PHTF1: variants seen among roughly 807,000 people sequenced by gnomAD.
The protein encoded by PHTF1 is protein PHTF1.
PHTF1 carries 88 observed loss-of-function variants against 102.4 expected under a neutral mutation model. The ratio of observed to expected loss-of-function variants is 0.86; its 90% CI spans 0.72 to 1.03. PHTF1 has a LOEUF of 1.03. Among genes scored for constraint, PHTF1 ranks in the 50% least tolerant of loss-of-function variants. The pLI is 0.00. For missense variants in PHTF1, 814 were observed against 909.5 expected, an observed-to-expected ratio of 0.89 and a Z score of 1.35; for synonymous variants, 289 against 305.2, an observed-to-expected ratio of 0.95 and a Z score of 0.55.
intron 8 of PHTF1, 71 bp from the exon 9 acceptor site, chr1:113,712,184 C>CA (rs946177936): frequency 6.4e-4 from 779 of 1,226,660 alleles, no homozygotes; most frequent in East Asian, 1.3e-3. Flanking sequence ...TGTGTAAAAA[C>CA]AAAAAAAAAT....
intron 3 of PHTF1, among the ~76,000 whole-genome samples, chr1:113,755,533 G>A (rs1173039919): frequency 2.0e-5 from 3 of 152,086 alleles, no homozygotes; most frequent in Non-Finnish European, 2.9e-5. Flanking sequence ...ACATTAAGGC[G>A]TGGTTAGGTA....
chr1:113,711,914 C>T (rs764119953), intron 9 of PHTF1, 26 bp downstream of exon 9: 2 of 1,606,884 alleles, frequency 1.2e-6, no homozygotes, highest in East Asian at 4.5e-5. Context: ...CAGTCCTATA[C>T]TTTCATAAAC....
chr1:113,724,989 C>A, intron 6 of PHTF1, 96 bp from the exon 7 acceptor site: 1 of 815,174 alleles, frequency 1.2e-6, no homozygotes, highest in Non-Finnish European at 1.9e-6. Context: ...CAAATTACTA[C>A]CTTAAATCAA....
chr1:113,725,825 G>A (rs1397582126), intron 6 of PHTF1: 1 of 152,960 alleles, frequency 6.5e-6, no homozygotes, highest in Non-Finnish European at 1.5e-5. Flanking sequence ...AAAATTAGCT[G>A]GGTGTGGTGG....
chr1:113,724,856 C>T lies in PHTF1; in HGVS notation c.526G>A (p.Glu176Lys). Residue 176 changes from glutamate to lysine, a missense_variant, in exon 7 of 19, where the codon GAA (glutamate) becomes AAA (lysine). Physicochemically the swap from Glu to Lys is moderately conservative, Grantham distance 56. Coordinates refer to ENST00000369604, the MANE Select transcript of PHTF1 (RefSeq NM_001323043.2). ...RKTVNGDGSRENGNNSSDKVR... is the reference protein window; with the variant it reads ...RKTVNGDGSRKNGNNSSDKVR... ...TTATCAGAGGAGTTATTTCCATTTTCTCGGCTCCCATCACCATTTACAGTT... is the reference window on the plus strand; with the variant it reads ...TTATCAGAGGAGTTATTTCCATTTTTTCGGCTCCCATCACCATTTACAGTT... The T allele has an allele frequency of 6.2e-7, 1 of 1,608,902 alleles. No individual in the cohort carries two copies. The highest frequency in any genetic ancestry group is 8.5e-7 in the Non-Finnish European group (1 of 1,177,342).
At chr1:113,734,148 T>C (rs1391348881) in intron 5 of PHTF1, among the ~76,000 whole-genome samples, 1 of 152,110 alleles carries the variant, frequency 6.6e-6, no homozygotes, top group Non-Finnish European at 1.5e-5. Flanking sequence ...TAATCCCCGC[T>C]ACTCAGGAGG....
chr1:113,730,880 G>A (rs1443398354), intron 5 of PHTF1, among the ~76,000 whole-genome samples: 2 of 152,188 alleles, frequency 1.3e-5, no homozygotes, highest in African/African-American at 4.8e-5. Flanking sequence ...GGGTAACCTT[G>A]ACGATGTTAT....
At chr1:113,706,851 C>CTTTTTTTTTTTTTTTTTTTTTTTTTT (rs11363653) in intron 11 of PHTF1, 129 bp from the exon 12 acceptor site, 1 of 202,536 alleles carries the variant, frequency 4.9e-6, no homozygotes, top group Non-Finnish European at 8.5e-6. Flanking sequence ...TTCTTTCTTT[C>CTTTTTTTTTTTTTTTTTTTTTTTTTT]TTTTTTTTTT....
chr1:113,712,257 C>A (rs573840759), intron 8 of PHTF1, 144 bp from the exon 9 acceptor site: 23 of 613,092 alleles, frequency 3.8e-5, no homozygotes, highest in African/African-American at 1.5e-4. Context: ...CCATATATTA[C>A]TTAATCTCAA....
At chr1:113,719,239 G>A (rs973657643) in intron 7 of PHTF1, among the ~76,000 whole-genome samples, 3 of 152,072 alleles carry the variant, frequency 2.0e-5, no homozygotes, top group African/African-American at 4.8e-5. Context: ...CTGACCTCAG[G>A]TGATCCACCC....
intron 3 of PHTF1, among the ~76,000 whole-genome samples, chr1:113,753,482 G>A (rs1339761307): frequency 1.3e-5 from 2 of 151,548 alleles, no homozygotes; most frequent in Non-Finnish European, 2.9e-5. Context: ...AGGCTGGAGT[G>A]CAATGCATGA....
intron 3 of PHTF1, among the ~76,000 whole-genome samples, chr1:113,750,778 C>T (rs185688984): frequency 2.0e-5 from 3 of 151,754 alleles, no homozygotes; most frequent in African/African-American, 7.3e-5. Flanking sequence ...ATCACTTGAA[C>T]CTGGGAGGCG....
chr1:113,749,232 T>G (rs1054616796), intron 3 of PHTF1, among the ~76,000 whole-genome samples: 1 of 152,210 alleles, frequency 6.6e-6, no homozygotes, highest in Non-Finnish European at 1.5e-5. Context: ...TTTCTTCTTT[T>G]TCTTTAGGTC....
intron 5 of PHTF1, among the ~76,000 whole-genome samples, chr1:113,736,289 C>T (rs1431573378): frequency 6.6e-6 from 1 of 150,624 alleles, no homozygotes; most frequent in South Asian, 2.1e-4. Flanking sequence ...TTGCAGTGAG[C>T]CAAGATCGCG....
chr1:113,731,731 C>T (rs1322415859), intron 5 of PHTF1, among the ~76,000 whole-genome samples: 1 of 151,106 alleles, frequency 6.6e-6, no homozygotes, highest in Non-Finnish European at 1.5e-5. Flanking sequence ...CCCGTCTCTA[C>T]TAAAAATACA....
At chr1:113,741,352 CTT>C (rs1007852694) in intron 3 of PHTF1, among the ~76,000 whole-genome samples, 4 of 152,158 alleles carry the variant, frequency 2.6e-5, no homozygotes, top group East Asian at 3.9e-4. Context: ...GGAAAAAACT[CTT>C]TGAAGAAACA....
rs181817937 is a variant in PHTF1 at position 113,724,112 on chromosome 1, C to T, written c.623+647G>A. Reference sequence around the variant, plus strand: ...AAATGGCTTTTAGGCAAAAGACAGACGATAACAAATGCTGGAGAGGATATG... The same window carrying T: ...AAATGGCTTTTAGGCAAAAGACAGATGATAACAAATGCTGGAGAGGATATG... On this transcript the variant is annotated intron_variant, in intron 7 of 18. Coordinates refer to ENST00000369604, the MANE Select transcript of PHTF1 (RefSeq NM_001323043.2). Among the ~76,000 whole-genome samples, 176 of 152,094 alleles carry T rather than the reference C, an allele frequency of 1.2e-3. 1 individual carries two copies. The highest frequency in any genetic ancestry group is 4.0e-3 in the African/African-American group (167 of 41,490).
intron 5 of PHTF1, among the ~76,000 whole-genome samples, chr1:113,729,931 T>A (rs766991829): frequency 2.6e-5 from 4 of 152,248 alleles, no homozygotes; most frequent in Non-Finnish European, 4.4e-5. Flanking sequence ...TATTGCTACC[T>A]GAGGACAACG....
intron 3 of PHTF1, among the ~76,000 whole-genome samples, chr1:113,754,052 G>T (rs1209455059): frequency 6.6e-6 from 1 of 152,082 alleles, no homozygotes. Flanking sequence ...TAAGTAATTT[G>T]CATTTATTAG....
Sources: gnomAD v4.1 joint callset for allele counts (sites outside exome capture counted in the v4.1 genomes callset) on GRCh38, gnomAD v4.1.1 for gene constraint, MANE v1.5 for transcripts, NCBI Gene and HGNC (gene_info 2026-07-23, HGNC 2026-07-21) for gene names.